Variants in TMEM131 observed in about 807,000 individuals in gnomAD.
TMEM131 encodes 2610524E03Rik.
In TMEM131, 66 loss-of-function variants were observed where a neutral mutation model predicts 211.6. That is an observed-to-expected ratio of 0.31 (90% CI 0.26 to 0.38). The LOEUF (loss-of-function observed/expected upper bound fraction) is 0.38, where lower values mean the gene tolerates loss of function less well. Ranked by LOEUF, TMEM131 falls within the 10% of genes least tolerant of loss-of-function variation. TMEM131 has a pLI of 1.00. For missense variants in TMEM131, 2,036 were observed against 2,299.3 expected (o/e 0.89, Z 2.34); for synonymous variants, 844 against 841.3 (o/e 1.00, Z -0.06).
At chr2:97,994,130 G>T (rs1021270350) in intron 1 of TMEM131, among the ~76,000 whole-genome samples, 1 of 152,118 alleles carries the variant, frequency 6.6e-6, no homozygotes, top group Non-Finnish European at 1.5e-5. Context: ...TGGGTTCACT[G>T]AACACCCACT....
Position 97,989,841 on chromosome 2 carries a change from C to T in TMEM131, c.187+5635G>A, listed in dbSNP as rs376201355. ...TCACATGGGAATTAAAAAACAACAA[C>T]AACAAAACAGATTTGGAACTACAGA... On this transcript the variant is annotated intron_variant, in intron 1 of 40. Transcript: ENST00000186436. Among the ~76,000 whole-genome samples, 36 of 152,290 alleles carry T rather than the reference C, an allele frequency of 2.4e-4. 1 individual carries two copies. The highest frequency in any genetic ancestry group is 8.2e-4 in the African/African-American group (34 of 41,562).
intron 1 of TMEM131, among the ~76,000 whole-genome samples, chr2:97,980,151 A>C (rs1243707457): frequency 1.3e-5 from 2 of 152,104 alleles, no homozygotes; most frequent in African/African-American, 4.8e-5. Flanking sequence ...TTACACAATC[A>C]CATCAAAGAT....
At chr2:97,847,070 TGGGGGGGG>T (rs70938540) in intron 5 of TMEM131, among the ~76,000 whole-genome samples, 3 of 23,022 alleles carry the variant, frequency 1.3e-4, no homozygotes, top group Non-Finnish European at 3.4e-4. Flanking sequence ...TCCCAGCTAC[TGGGGGGGG>T]GGGGGGGGGC....
intron 4 of TMEM131, 126 bp from the exon 5 acceptor site, chr2:97,859,553 T>C: frequency 2.3e-6 from 2 of 858,506 alleles, no homozygotes; most frequent in Non-Finnish European, 3.3e-6. Flanking sequence ...GCTTTCTGAA[T>C]TTATATTTAA....
chr2:97,979,101 A>G (rs1299817404), intron 1 of TMEM131, among the ~76,000 whole-genome samples: 2 of 152,212 alleles, frequency 1.3e-5, no homozygotes, highest in African/African-American at 2.4e-5. Context: ...TTGGAAAGTA[A>G]TATTTTTTCC....
intron 2 of TMEM131, among the ~76,000 whole-genome samples, chr2:97,923,061 G>C (rs1402659822): frequency 6.6e-6 from 1 of 152,192 alleles, no homozygotes; most frequent in East Asian, 1.9e-4. Flanking sequence ...GGCCAAAGCA[G>C]GTGGATCACT....
chr2:97,840,571 CAG>C (rs1683151635), intron 7 of TMEM131, among the ~76,000 whole-genome samples: 1 of 152,202 alleles, frequency 6.6e-6, no homozygotes, highest in Non-Finnish European at 1.5e-5. Flanking sequence ...GTTTGAGTGA[CAG>C]AGTGAGACCC....
intron 22 of TMEM131, among the ~76,000 whole-genome samples, chr2:97,803,159 TA>T (rs1364578067): frequency 1.3e-5 from 2 of 152,186 alleles, no homozygotes; most frequent in African/African-American, 4.8e-5. Flanking sequence ...GGCAGGCATA[TA>T]AAGATAATAC....
At chr2:97,808,348 T>C (rs1283628111) in intron 19 of TMEM131, among the ~76,000 whole-genome samples, 1 of 152,210 alleles carries the variant, frequency 6.6e-6, no homozygotes, top group African/African-American at 2.4e-5. Context: ...AACCCACTAC[T>C]GTCTCCTACC....
In TMEM131 at chr2:97,760,606, C is replaced by T. The variant is rs756388464; in HGVS notation, c.5095G>A (p.Asp1699Asn). ...LGISHAPVDS[D>N]GSDSSGLWSP... Reference sequence around the variant, plus strand: ...GGTCTACCGTACCTGTCTGAGCCATCGCTGTCAACAGGAGCGTGTGAAATG... The same window carrying T: ...GGTCTACCGTACCTGTCTGAGCCATTGCTGTCAACAGGAGCGTGTGAAATG... Residue 1699 changes from aspartate to asparagine, a missense_variant, in exon 38 of 41, where the codon GAT becomes AAT. Coordinates refer to ENST00000186436, the MANE Select transcript of TMEM131 (RefSeq NM_015348.2). The T allele has an allele frequency of 9.3e-6, 15 of 1,611,252 alleles. No homozygotes were observed. The highest frequency in any genetic ancestry group is 2.2e-5 in the East Asian group (1 of 44,814).
In TMEM131 at chr2:97,805,451, T is replaced by C. The variant is rs1400288393; in HGVS notation, c.2209A>G (p.Ile737Val). The change falls in exon 21 of 41, where the codon ATT becomes GTT. Residue 737 changes from isoleucine (I) to valine (V), a missense_variant and splice_region_variant. Physicochemically the swap from Ile to Val is conservative, Grantham distance 29. Coordinates refer to ENST00000186436, the MANE Select transcript of TMEM131 (RefSeq NM_015348.2). ...EDLEPGKKSK[I>V]ANIYFDPGLQ... ...CCAGGATCAAAATAAATGTTTGCAA[T>C]CTATAAAGAGGCACAGGAGAACCAT... The C allele has an allele frequency of 6.2e-7, 1 of 1,613,908 alleles. No individual in the cohort carries two copies. Among genetic ancestry groups the C allele is most frequent in the South Asian group, 1.1e-5 (1 of 91,082 alleles).
chr2:97,840,772 T>G (rs911235314), intron 7 of TMEM131, among the ~76,000 whole-genome samples: 7 of 152,208 alleles, frequency 4.6e-5, no homozygotes, highest in Admixed American at 2.6e-4. Context: ...AACAGGTTCT[T>G]CTGTGATGCA....
At chr2:97,976,136 T>C (rs926671990) in intron 1 of TMEM131, among the ~76,000 whole-genome samples, 8 of 152,142 alleles carry the variant, frequency 5.3e-5, no homozygotes, top group African/African-American at 1.9e-4. Context: ...CCCCCTAAGA[T>C]TATGAACAAG....
chr2:97,994,792 G>T (rs1680418492), intron 1 of TMEM131, among the ~76,000 whole-genome samples: 1 of 152,060 alleles, frequency 6.6e-6, no homozygotes, highest in South Asian at 2.1e-4. Context: ...TTTAAAATAG[G>T]GGCCAGCCCT....
At chr2:97,907,799 A>G (rs1223071829) in intron 3 of TMEM131, among the ~76,000 whole-genome samples, 1 of 152,202 alleles carries the variant, frequency 6.6e-6, no homozygotes, top group East Asian at 1.9e-4. Context: ...TATTGACACC[A>G]CTGCCAGCCG....
chr2:97,811,283 C>T, intron 17 of TMEM131, 51 bp from the exon 18 acceptor site: 1 of 1,426,888 alleles, frequency 7.0e-7, no homozygotes. Flanking sequence ...GTTGAAGTTT[C>T]CTATTAAAAT....
intron 4 of TMEM131, among the ~76,000 whole-genome samples, chr2:97,881,560 G>A (rs1006994254): frequency 2.6e-5 from 4 of 151,838 alleles, no homozygotes; most frequent in Non-Finnish European, 2.9e-5. Context: ...CACCTCAGTT[G>A]ACCTGCCCTC....
intron 33 of TMEM131, among the ~76,000 whole-genome samples, chr2:97,767,636 C>A (rs1413896464): frequency 6.6e-6 from 1 of 152,210 alleles, no homozygotes; most frequent in East Asian, 1.9e-4. Context: ...TGACAGCTGT[C>A]AGTTCAGGGC....
At chr2:97,968,242 A>G (rs956383976) in intron 1 of TMEM131, among the ~76,000 whole-genome samples, 9 of 152,146 alleles carry the variant, frequency 5.9e-5, no homozygotes, top group African/African-American at 2.2e-4. Context: ...TAGCCTAGTG[A>G]CCAGATAAGA....
Sources: gnomAD v4.1 joint callset for allele counts (sites outside exome capture counted in the v4.1 genomes callset) on GRCh38, gnomAD v4.1.1 for gene constraint, MANE v1.5 for transcripts, NCBI Gene and HGNC (gene_info 2026-07-23, HGNC 2026-07-21) for gene names.